Variants in SPTBN4 observed in about 807,000 individuals in gnomAD.
SPTBN4 encodes spectrin beta chain, non-erythrocytic 4.
SPTBN4 carries 96 observed loss-of-function variants against 277.8 expected under a neutral mutation model. That is an observed-to-expected ratio of 0.35 (90% CI 0.29 to 0.41). SPTBN4 has a LOEUF of 0.41. Among genes scored for constraint, SPTBN4 ranks in the 10% least tolerant of loss-of-function variants. SPTBN4 has a pLI of 1.00. For synonymous variants in SPTBN4, 1,481 were observed against 1,580.3 expected (o/e 0.94, Z 1.49); for missense variants, 3,006 against 3,595.7 (o/e 0.84, Z 4.19).
rs1169027772 is a variant in SPTBN4, at chr19:40,515,482, C to T, written c.2903+34C>T. 8 of 1,530,062 alleles carry T rather than the reference C, an allele frequency of 5.2e-6. No individual in the cohort carries two copies. Among genetic ancestry groups the T allele is most frequent in the African/African-American group, 1.4e-5 (1 of 72,316 alleles). 94.8% of individuals were successfully genotyped at this position (1,530,062 alleles called of 1,614,324 possible). On this transcript the variant is annotated intron_variant, in intron 15 of 35. Coordinates refer to ENST00000598249, the MANE Select transcript of SPTBN4 (RefSeq NM_020971.3). This position sits in a 1 kb window ranked among gnomAD's most constrained non-coding sequence, Gnocchi z 4.1. ...GCCTGGGGCTGGGAGTCCCTCCCAT[C>T]CTTCCCTTCCACACTCACACAGCCA... is the stretch of plus-strand genomic sequence containing the variant.
intron 27 of SPTBN4, among the ~76,000 whole-genome samples, chr19:40,563,004 G>A (rs1465423581): frequency 6.6e-6 from 1 of 152,112 alleles, no homozygotes; most frequent in African/African-American, 2.4e-5. Flanking sequence ...GAGGCCAGGA[G>A]TTTGAGACTA....
intron 21 of SPTBN4, 88 bp downstream of exon 21, chr19:40,549,501 G>A (rs1307965085): frequency 1.9e-6 from 2 of 1,078,958 alleles, no homozygotes; most frequent in African/African-American, 1.7e-5. Flanking sequence ...AGATGGAGAC[G>A]GCTGAGACCC....
At chr19:40,565,300 G>T in intron 27 of SPTBN4, 123 bp from the exon 28 acceptor site, 1 of 1,065,586 alleles carries the variant, frequency 9.4e-7, no homozygotes, top group Non-Finnish European at 1.4e-6. Context: ...AGAAAAGAAA[G>T]TAAGTGTCTT....
At chr19:40,543,064 A>G (rs377223583) in intron 20 of SPTBN4, among the ~76,000 whole-genome samples, 5 of 152,190 alleles carry the variant, frequency 3.3e-5, no homozygotes, top group African/African-American at 1.2e-4. Flanking sequence ...TGTTGGCAGG[A>G]TGACCCCAGG....
At chr19:40,567,135 CAAAG>C in intron 30 of SPTBN4, 1 of 454,480 alleles carries the variant, frequency 2.2e-6, no homozygotes, top group Non-Finnish European at 4.4e-6. Flanking sequence ...CAAAAGCAAA[CAAAG>C]AAAAAACAGC....
At chr19:40,471,399 G>A (rs2079882851) in intron 1 of SPTBN4, among the ~76,000 whole-genome samples, 1 of 152,090 alleles carries the variant, frequency 6.6e-6, no homozygotes, top group Non-Finnish European at 1.5e-5. Context: ...ATAAGAGAAG[G>A]TACATGAAGT....
In SPTBN4 at chr19:40,506,321, T is replaced by G. The variant is rs779884870; in HGVS notation, c.1751T>G (p.Ile584Ser). ...AAGCATGGACTGCTGGAGGGAGACA[T>G]TGCCGCCCAGAGCGAGCGGGTGGAG... ...LQKHGLLEGDIAAQSERVEAL... is the reference protein window; with the variant it reads ...LQKHGLLEGDSAAQSERVEAL... Residue 584 changes from isoleucine (I) to serine (S), a missense_variant, in exon 13 of 36, where the codon ATT becomes AGT. Ile to Ser is a moderately radical substitution (Grantham distance 142). Around this residue, in one of 5 missense-constraint regions of SPTBN4, gnomAD observed 1,759 missense variants for 2,061.5 expected, o/e 0.85. Transcript: ENST00000598249. The G allele has an allele frequency of 5.1e-5, 82 of 1,613,932 alleles. No individual in the cohort carries two copies. The highest frequency in any genetic ancestry group is 6.6e-5 in the Non-Finnish European group (78 of 1,179,954).
intron 13 of SPTBN4, among the ~76,000 whole-genome samples, chr19:40,508,643 G>A (rs573527219): frequency 9.9e-5 from 15 of 152,262 alleles, no homozygotes; most frequent in African/African-American, 3.1e-4. Flanking sequence ...AGCCTAGATC[G>A]TGCCACTGCA....
At chr19:40,503,221 AG>A (rs888588321) in intron 11 of SPTBN4, among the ~76,000 whole-genome samples, 1 of 150,522 alleles carries the variant, frequency 6.6e-6, no homozygotes, top group Non-Finnish European at 1.5e-5. Context: ...GTGACAAGGG[AG>A]GTTGTATCTT....
Position 40,575,773 on chromosome 19 carries a change from C to T in SPTBN4, c.*204C>T, listed in dbSNP as rs2081196738. ...GCTGCCCCTATAGCCATATCTCGGC[C>T]CCTTCCCACTCACCACCCCCACCCC... On this transcript the variant is annotated 3_prime_UTR_variant, in exon 36 of 36. Coordinates refer to ENST00000598249, the MANE Select transcript of SPTBN4 (RefSeq NM_020971.3). 9.5e-6 allele frequency: 5 copies of T among 526,664 alleles called. No homozygotes were observed. In the South Asian group the frequency reaches 1.9e-4, roughly 20 times the overall value. The allele number at this position is 526,664 out of a possible 1,614,324, so 32.6% of individuals were successfully genotyped here.
chr19:40,526,675 C>G (rs1016831804), intron 17 of SPTBN4, among the ~76,000 whole-genome samples: 1 of 152,188 alleles, frequency 6.6e-6, no homozygotes, highest in Non-Finnish European at 1.5e-5. Flanking sequence ...GCCTCAATCT[C>G]CTGGGCTCAA....
chr19:40,523,379 C>T, intron 16 of SPTBN4, 58 bp from the exon 17 acceptor site: 1 of 1,515,168 alleles, frequency 6.6e-7, no homozygotes, highest in Non-Finnish European at 8.9e-7. Flanking sequence ...CTGGCAGCCT[C>T]TCCCAGGTCC....
Position 40,566,307 on chromosome 19 carries a change from A to G in SPTBN4, c.6284A>G (p.Lys2095Arg). ...ATCCGGCGACATGAGGCCTTCCGCA[A>G]AGCGGCTGCAGCCTGGGAAGAGAGG... ...QLIRRHEAFR[K>R]AAAAWEERFS... Residue 2095 changes from lysine (K) to arginine (R), a missense_variant, in exon 30 of 36, where the codon AAA becomes AGA. By Grantham distance (26) the Lys-to-Arg change is conservative. Around this residue, in one of 5 missense-constraint regions of SPTBN4, gnomAD observed 630 missense variants for 677.6 expected, o/e 0.93. Transcript: ENST00000598249. 1 of 1,594,290 alleles carries G rather than the reference A, an allele frequency of 6.3e-7. No individual in the cohort carries two copies. The highest frequency in any genetic ancestry group is 8.5e-7 in the Non-Finnish European group (1 of 1,170,486).
chr19:40,542,737 C>G (rs572458910), intron 20 of SPTBN4, among the ~76,000 whole-genome samples: 2 of 151,964 alleles, frequency 1.3e-5, no homozygotes, highest in Admixed American at 1.3e-4. Context: ...AGGGACTATA[C>G]AGTCCCAGTC....
intron 6 of SPTBN4, 130 bp downstream of exon 6, chr19:40,495,107 C>A: frequency 1.3e-6 from 1 of 788,230 alleles, no homozygotes; most frequent in South Asian, 1.7e-5. Context: ...CCTCTACACA[C>A]ACATACAGTT....
At chr19:40,542,720 C>T (rs989369967) in intron 20 of SPTBN4, among the ~76,000 whole-genome samples, 1 of 151,668 alleles carries the variant, frequency 6.6e-6, no homozygotes, top group Non-Finnish European at 1.5e-5. Flanking sequence ...GAGAGGAGTG[C>T]ACATTCAGGG....
intron 17 of SPTBN4, 62 bp downstream of exon 17, chr19:40,523,701 A>T: frequency 6.7e-7 from 1 of 1,498,830 alleles, no homozygotes; most frequent in Non-Finnish European, 9.0e-7. Flanking sequence ...AGCATAGGGG[A>T]GTGGTGTGGG....
Position 40,513,231 on chromosome 19 carries a change from G to A in SPTBN4, c.2442G>A (p.Gln814=). 1 of 1,514,146 alleles carries A rather than the reference G, an allele frequency of 6.6e-7. No homozygotes were observed. Among genetic ancestry groups the A allele is most frequent in the Non-Finnish European group, 8.8e-7 (1 of 1,138,400 alleles). The allele number at this position is 1,514,146 out of a possible 1,614,324, so 93.8% of individuals were successfully genotyped here. The change falls in exon 14 of 36, where the codon CAG becomes CAA. Residue 814 remains glutamine, a synonymous_variant. Coordinates refer to ENST00000598249, the MANE Select transcript of SPTBN4 (RefSeq NM_020971.3). ...CTTCCAGCCGCCGCCTGGCGCGCCAGCACCGCGCGCTCACCGGGGAGGTGG... is the reference window on the plus strand; with the variant it reads ...CTTCCAGCCGCCGCCTGGCGCGCCAACACCGCGCGCTCACCGGGGAGGTGG... ...DEASSRRLAR[Q]HRALTGEVEA...
rs770487459 is a variant in SPTBN4, at chr19:40,575,390, G to A, written c.7537-21G>A. 5.6e-6 allele frequency: 9 copies of A among 1,609,458 alleles called. No homozygotes were observed. The African/African-American group carries it at 9.4e-5, about 17-fold the overall frequency. ...CTTCTCTCTTCCAAATACGGCCTCT[G>A]TGCCCTGTTTCTTCCCCCAGGAGGA... On this transcript the variant is annotated intron_variant, in intron 35 of 35. Transcript: ENST00000598249.
Sources: gnomAD v4.1 joint callset for allele counts (sites outside exome capture counted in the v4.1 genomes callset) on GRCh38, gnomAD v4.1.1 for gene constraint, gnomAD v4.1.1 regional missense constraint, Gnocchi (gnomAD v3.1) non-coding constraint, MANE v1.5 for transcripts, NCBI Gene and HGNC (gene_info 2026-07-23, HGNC 2026-07-21) for gene names.